Variants in CASZ1 observed in about 807,000 individuals in gnomAD.
The protein encoded by CASZ1 is zinc finger protein castor homolog 1.
A neutral mutation model predicts 135.2 loss-of-function variants in CASZ1; 28 were observed. The observed-to-expected ratio is 0.21, with a 90% confidence interval of 0.15 to 0.28. CASZ1 has a LOEUF of 0.28. Ranked by LOEUF, CASZ1 falls within the 10% of genes least tolerant of loss-of-function variation. CASZ1 has a pLI of 1.00. For missense variants in CASZ1, 2,161 were observed against 2,453.3 expected (o/e 0.88, Z 2.52); for synonymous variants, 1,068 against 1,073.4 (o/e 0.99, Z 0.10).
Position 10,741,231 on chromosome 1 carries a change from C to T in CASZ1, c.-77+19470G>A, listed in dbSNP as rs1215412154. On this transcript the variant is annotated intron_variant, in intron 2 of 20. Transcript: ENST00000377022. The surrounding 1 kb of genome is among the most constrained non-coding windows in gnomAD (Gnocchi z 5.0). ...CTCCTGACCTCAGGCGATCCACCCA[C>T]CTCAGCTTCCCAAAGTGTTGGGATT... Among the ~76,000 whole-genome samples, 1 of 152,220 alleles carries T rather than the reference C, an allele frequency of 6.6e-6. No individual in the cohort carries two copies. The highest frequency in any genetic ancestry group is 2.4e-5 in the African/African-American group (1 of 41,466).
At chr1:10,743,026 G>A (rs1639955469) in intron 2 of CASZ1, among the ~76,000 whole-genome samples, 1 of 152,128 alleles carries the variant, frequency 6.6e-6, no homozygotes, top group South Asian at 2.1e-4. Context: ...AGAAGCCTGG[G>A]CCAGTTCCTG....
rs1314627693 is a variant in CASZ1 at position 10,679,889 on chromosome 1, C to T, written c.16+13985G>A. ...GCCAAGTCCCAGCCCTGGGACTCCC[C>T]TCCCCTACCCTTCCAGCATCCCTAC... On this transcript the variant is annotated intron_variant, in intron 4 of 20. Coordinates refer to ENST00000377022, the MANE Select transcript of CASZ1 (RefSeq NM_001079843.3). This position sits in a 1 kb window ranked among gnomAD's most constrained non-coding sequence, Gnocchi z 4.7. 6.6e-6 allele frequency among the ~76,000 whole-genome samples: 1 copy of T among 152,234 alleles called. No individual in the cohort carries two copies. Among genetic ancestry groups the T allele is most frequent in the Non-Finnish European group, 1.5e-5 (1 of 68,044 alleles).
intron 1 of CASZ1, among the ~76,000 whole-genome samples, chr1:10,779,774 G>A (rs758106954): frequency 2.0e-5 from 3 of 152,184 alleles, no homozygotes; most frequent in African/African-American, 4.8e-5. Context: ...AACCATCCTC[G>A]GGATGATAAT....
In CASZ1 at chr1:10,649,014, G is replaced by A. The variant is rs548663946; in HGVS notation, c.3158+56C>T. On this transcript the variant is annotated intron_variant, in intron 15 of 20. Transcript: ENST00000377022. ...ACCAGCCTGAGCCCCACCCACCCCA[G>A]AGCCAGGCTGGGATCCGTGGGGCTC... The A allele has an allele frequency of 4.0e-5, 64 of 1,593,604 alleles. No individual in the cohort carries two copies. The African/African-American group carries it at 5.0e-4, about 12-fold the overall frequency.
chr1:10,794,085 C>T lies in CASZ1; in HGVS notation c.-234+2479G>A, dbSNP rs1212191623. ...GAACAACTACCCCCCTCCCCATGCC[C>T]GGCGCAGCTGCTCCTGCTCAGCCGG... On this transcript the variant is annotated intron_variant, in intron 1 of 20. Transcript: ENST00000377022. The surrounding 1 kb of genome is among the most constrained non-coding windows in gnomAD (Gnocchi z 5.6). Among the ~76,000 whole-genome samples, 1 of 152,256 alleles carries T rather than the reference C, an allele frequency of 6.6e-6. No individual in the cohort carries two copies. Among genetic ancestry groups the T allele is most frequent in the South Asian group, 2.1e-4 (1 of 4,822 alleles).
intron 4 of CASZ1, among the ~76,000 whole-genome samples, chr1:10,680,360 C>A (rs996348729): frequency 2.0e-5 from 3 of 152,102 alleles, no homozygotes; most frequent in African/African-American, 7.2e-5. Flanking sequence ...CAGGGCCTGT[C>A]TTCTGGACAC....
intron 4 of CASZ1, 74 bp downstream of exon 4, chr1:10,693,800 T>G: frequency 1.3e-6 from 1 of 761,106 alleles, no homozygotes; most frequent in South Asian, 1.3e-5. Context: ...CTCATTGGGC[T>G]AAAAATAAGA....
At chr1:10,654,355 G>A in intron 10 of CASZ1, 64 bp downstream of exon 10, 2 of 1,589,622 alleles carry the variant, frequency 1.3e-6, no homozygotes, top group Non-Finnish European at 8.6e-7. Context: ...CGTCCCACGA[G>A]CCTGGGTCCT....
At chr1:10,675,079 G>A (rs1048048375) in intron 4 of CASZ1, among the ~76,000 whole-genome samples, 1 of 151,810 alleles carries the variant, frequency 6.6e-6, no homozygotes, top group Non-Finnish European at 1.5e-5. Context: ...TTCCCACATC[G>A]CATAAAGGGT....
chr1:10,693,557 C>CA (rs1638833899), intron 4 of CASZ1, among the ~76,000 whole-genome samples: 1 of 112,296 alleles, frequency 8.9e-6, no homozygotes, highest in Non-Finnish European at 1.8e-5. Flanking sequence ...CGAAGCCATA[C>CA]AAAAAACACG....
Position 10,724,972 on chromosome 1 carries a change from T to G in CASZ1, c.-76-19428A>C, listed in dbSNP as rs1467358663. Among the ~76,000 whole-genome samples the G allele has an allele frequency of 6.6e-6, 1 of 152,244 alleles. No homozygotes were observed. Among genetic ancestry groups the G allele is most frequent in the Non-Finnish European group, 1.5e-5 (1 of 68,042 alleles). ...AAGTTGAAATAACCTACAAATTACTTAATGTGTTGTAAATCTGGGGGAATT... is the reference window on the plus strand; with the variant it reads ...AAGTTGAAATAACCTACAAATTACTGAATGTGTTGTAAATCTGGGGGAATT... On this transcript the variant is annotated intron_variant, in intron 2 of 20. Coordinates refer to ENST00000377022, the MANE Select transcript of CASZ1 (RefSeq NM_001079843.3). This position sits in a 1 kb window ranked among gnomAD's most constrained non-coding sequence, Gnocchi z 4.1.
At chr1:10,702,821 T>C (rs1639091186) in intron 3 of CASZ1, among the ~76,000 whole-genome samples, 1 of 152,182 alleles carries the variant, frequency 6.6e-6, no homozygotes, top group African/African-American at 2.4e-5. Context: ...CATTATGGGT[T>C]AGATTATAAG....
intron 2 of CASZ1, among the ~76,000 whole-genome samples, chr1:10,740,358 C>A (rs1310527948): frequency 6.6e-6 from 1 of 152,226 alleles, no homozygotes; most frequent in Non-Finnish European, 1.5e-5. Flanking sequence ...TCCATGCGCC[C>A]CAGCCCGGGC....
At chr1:10,673,925 A>C (rs1378189208) in intron 4 of CASZ1, among the ~76,000 whole-genome samples, 2 of 152,094 alleles carry the variant, frequency 1.3e-5, no homozygotes, top group Non-Finnish European at 2.9e-5. Flanking sequence ...GCCTGTACTA[A>C]CCCCAACCAG....
At chr1:10,653,260 AG>A in intron 11 of CASZ1, 116 bp downstream of exon 11, 3 of 1,080,132 alleles carry the variant, frequency 2.8e-6, no homozygotes, top group Non-Finnish European at 4.2e-6. Context: ...GCTGGCAAGC[AG>A]GGGCCACACG....
chr1:10,714,541 C>T (rs1009481939), intron 2 of CASZ1, among the ~76,000 whole-genome samples: 1 of 152,160 alleles, frequency 6.6e-6, no homozygotes, highest in Admixed American at 6.5e-5. Flanking sequence ...CTGGTGCTGA[C>T]GGGCACCCCC....
At position 10,757,644 on chromosome 1, in the gene CASZ1, C is replaced by T. The variant is rs1640284465; in HGVS notation, c.-77+3057G>A. Among the ~76,000 whole-genome samples the T allele has an allele frequency of 6.6e-6, 1 of 152,132 alleles. No homozygotes were observed. On this transcript the variant is annotated intron_variant, in intron 2 of 20. Transcript: ENST00000377022. This position sits in a 1 kb window ranked among gnomAD's most constrained non-coding sequence, Gnocchi z 4.6. ...CTCTACTAAAAACACTAAAATTAGCCAGGCATGGTGGCGCTTGCCTATAAT... is the reference window on the plus strand; with the variant it reads ...CTCTACTAAAAACACTAAAATTAGCTAGGCATGGTGGCGCTTGCCTATAAT...
At chr1:10,655,912 C>G in intron 8 of CASZ1, 99 bp from the exon 9 acceptor site, 1 of 1,281,866 alleles carries the variant, frequency 7.8e-7, no homozygotes. Flanking sequence ...GGCCTCAGGT[C>G]TCCCTAGAAA....
Position 10,656,731 on chromosome 1 carries a change from G to C in CASZ1, c.1415C>G (p.Ser472Trp). ...NIYQKYIARF[S>W]GSQHCGHIHC... ...GATGTGGCCACAGTGCTGGCTGCCC[G>C]AGAACCTGGAGGGAGGAGGGGTGGG... Residue 472 changes from serine to tryptophan, a missense_variant, in exon 8 of 21, where the codon TCG becomes TGG. By Grantham distance (177) the Ser-to-Trp change is radical. Coordinates refer to ENST00000377022, the MANE Select transcript of CASZ1 (RefSeq NM_001079843.3). The C allele has an allele frequency of 6.3e-7, 1 of 1,590,024 alleles. No individual in the cohort carries two copies. Among genetic ancestry groups the C allele is most frequent in the Non-Finnish European group, 8.6e-7 (1 of 1,168,574 alleles).
Sources: gnomAD v4.1 joint callset for allele counts (sites outside exome capture counted in the v4.1 genomes callset) on GRCh38, gnomAD v4.1.1 for gene constraint, Gnocchi (gnomAD v3.1) non-coding constraint, MANE v1.5 for transcripts, NCBI Gene and HGNC (gene_info 2026-07-23, HGNC 2026-07-21) for gene names.